CACNB2: variants seen among roughly 807,000 people sequenced by gnomAD.
CACNB2 encodes the protein calcium voltage-gated channel auxiliary subunit beta 2.
CACNB2 carries 42 observed loss-of-function variants against 73.3 expected under a neutral mutation model. The ratio of observed to expected loss-of-function variants is 0.57; its 90% CI spans 0.45 to 0.74. The LOEUF (loss-of-function observed/expected upper bound fraction) is 0.74, where lower values mean the gene tolerates loss of function less well. Ranked by LOEUF, CACNB2 falls within the 30% of genes least tolerant of loss-of-function variation. CACNB2 has a pLI of 0.00. For synonymous variants in CACNB2, 348 were observed against 310.3 expected (o/e 1.12, Z -1.28); for missense variants, 940 against 853.0 (o/e 1.10, Z -1.27).
Position 18,283,039 on chromosome 10 carries a change from A to T in CACNB2, c.214-118885A>T, listed in dbSNP as rs562508085. Among the ~76,000 whole-genome samples, 21 of 152,372 alleles carry T rather than the reference A, an allele frequency of 1.4e-4. No individual in the cohort carries two copies. In the South Asian group the frequency reaches 4.3e-3, roughly 32 times the overall value. Reference sequence around the variant, plus strand: ...ATCAACAGACACTTCTCAAAAGAAGACATTTATGCAGCCAACAGACACATG... The same window carrying T: ...ATCAACAGACACTTCTCAAAAGAAGTCATTTATGCAGCCAACAGACACATG... On this transcript the variant is annotated intron_variant, in intron 2 of 13. Coordinates refer to ENST00000324631, the MANE Select transcript of CACNB2 (RefSeq NM_201596.3).
chr10:18,426,930 A>G (rs990836497), intron 3 of CACNB2, among the ~76,000 whole-genome samples: 4 of 142,116 alleles, frequency 2.8e-5, no homozygotes, highest in Non-Finnish European at 4.6e-5. Flanking sequence ...TTGGTACTGA[A>G]TTTTATCAAA....
At chr10:18,464,682 A>G (rs2047780780) in intron 3 of CACNB2, among the ~76,000 whole-genome samples, 1 of 152,024 alleles carries the variant, frequency 6.6e-6, no homozygotes, top group Non-Finnish European at 1.5e-5. Context: ...ACTACCACAC[A>G]TCTCCAAGCC....
chr10:18,302,129 G>A (rs551827164), intron 2 of CACNB2, among the ~76,000 whole-genome samples: 39 of 152,216 alleles, frequency 2.6e-4, no homozygotes, highest in African/African-American at 9.1e-4. Flanking sequence ...CCCACATCAG[G>A]CCTCCCAACT....
At chr10:18,234,413 G>A (rs945401197) in intron 2 of CACNB2, among the ~76,000 whole-genome samples, 3 of 152,146 alleles carry the variant, frequency 2.0e-5, no homozygotes, top group Non-Finnish European at 4.4e-5. Context: ...AGAACTGAAA[G>A]CAGGGACCGA....
intron 2 of CACNB2, among the ~76,000 whole-genome samples, chr10:18,269,224 A>T (rs1200593449): frequency 6.6e-6 from 1 of 152,212 alleles, no homozygotes; most frequent in Non-Finnish European, 1.5e-5. Flanking sequence ...AGATATTTCC[A>T]TTAATTTGTG....
At chr10:18,524,215 TTTTTGTTTTTTTG>T (rs1175806312) in intron 9 of CACNB2, among the ~76,000 whole-genome samples, 2 of 152,058 alleles carry the variant, frequency 1.3e-5, no homozygotes, top group Admixed American at 6.5e-5. Context: ...CGGTTTTTTT[TTTTTGTTTTTTTG>T]TTTTGTTTTG....
intron 2 of CACNB2, among the ~76,000 whole-genome samples, chr10:18,225,336 G>T (rs2035947687): frequency 6.6e-6 from 1 of 151,992 alleles, no homozygotes; most frequent in Non-Finnish European, 1.5e-5. Context: ...CCTACTTGAT[G>T]CAAACTTTTC....
At chr10:18,205,954 C>T (rs1011131950) in intron 2 of CACNB2, among the ~76,000 whole-genome samples, 1 of 152,096 alleles carries the variant, frequency 6.6e-6, no homozygotes, top group Non-Finnish European at 1.5e-5. Flanking sequence ...CTACGGTTTT[C>T]AGTCTCCCCA....
At chr10:18,319,646 G>C (rs1380519553) in intron 2 of CACNB2, among the ~76,000 whole-genome samples, 1 of 151,848 alleles carries the variant, frequency 6.6e-6, no homozygotes, top group African/African-American at 2.4e-5. Flanking sequence ...AAATAAAAAG[G>C]CACAACAAAG....
chr10:18,402,024 C>G lies in CACNB2; in HGVS notation c.314C>G (p.Ala105Gly), dbSNP rs375218580. ...VRREAERQAQ[A>G]QLEKAKTKPV... ...AGAGAAGCGGAGCGGCAGGCCCAGG[C>G]ACAGTTGGAAAAAGCAAAGGTAAAA... is the stretch of plus-strand genomic sequence containing the variant. The change falls in exon 3 of 14, where the codon GCA becomes GGA. Residue 105 changes from alanine to glycine, a missense_variant. Ala to Gly is a moderately conservative substitution (Grantham distance 60). Coordinates refer to ENST00000324631, the MANE Select transcript of CACNB2 (RefSeq NM_201596.3). 22 of 1,613,846 alleles carry G rather than the reference C, an allele frequency of 1.4e-5. No individual in the cohort carries two copies. Among genetic ancestry groups the G allele is most frequent in the Middle Eastern group, 1.6e-4 (1 of 6,082 alleles).
chr10:18,294,983 C>T (rs570072656), intron 2 of CACNB2, among the ~76,000 whole-genome samples: 40 of 152,322 alleles, frequency 2.6e-4, no homozygotes, highest in Admixed American at 5.2e-4. Flanking sequence ...GCACTGCAGA[C>T]GCCCATCTCA....
chr10:18,238,550 A>G (rs1004156091), intron 2 of CACNB2: 4 of 152,254 alleles, frequency 2.6e-5, no homozygotes, highest in African/African-American at 4.8e-5. Flanking sequence ...TCAATCCAAC[A>G]TAAGGGACTA....
At chr10:18,151,077 GTACT>G in intron 2 of CACNB2, 102 bp downstream of exon 2, 1 of 797,196 alleles carries the variant, frequency 1.3e-6, no homozygotes, top group Non-Finnish European at 2.2e-6. Flanking sequence ...TAGTATGATT[GTACT>G]TACTTTTAAT....
intron 3 of CACNB2, among the ~76,000 whole-genome samples, chr10:18,490,261 G>A (rs141823582): frequency 2.4e-4 from 37 of 152,184 alleles, no homozygotes; most frequent in East Asian, 1.4e-3. Flanking sequence ...GGATCTGTTC[G>A]GCTTTAGTCC....
chr10:18,150,625 T>C (rs1266189092), intron 1 of CACNB2, among the ~76,000 whole-genome samples: 2 of 152,102 alleles, frequency 1.3e-5, no homozygotes, highest in Admixed American at 6.6e-5. Context: ...ATGGTGCCAT[T>C]GCACTCCAGC....
chr10:18,534,114 G>A lies in CACNB2; in HGVS notation c.1093G>A (p.Ala365Thr), dbSNP rs371232673. The A allele has an allele frequency of 2.7e-5, 44 of 1,613,886 alleles. No individual in the cohort carries two copies. The highest frequency in any genetic ancestry group is 3.6e-5 in the Non-Finnish European group (43 of 1,179,940). Residue 365 changes from alanine to threonine, a missense_variant, in exon 11 of 14, where the codon GCA (alanine) becomes ACA (threonine). Transcript: ENST00000324631. ...TGAAATCGAAAGGATTTTTGAACTT[G>A]CAAGAACATTGCAGTTGGTGGTCCT... ...QSEIERIFEL[A>T]RTLQLVVLDA...
rs59492615 is a variant in CACNB2, at chr10:18,499,617, G to GAAA, written c.456+1160_456+1162dup. Among the ~76,000 whole-genome samples, 62 of 99,652 alleles carry GAAA rather than the reference G, an allele frequency of 6.2e-4. 4 individuals carry two copies. Among genetic ancestry groups the GAAA allele is most frequent in the Admixed American group, 1.3e-3 (11 of 8,738 alleles). 65.4% of individuals were successfully genotyped at this position (99,652 alleles called of 152,430 possible). A position where few individuals can be genotyped will look rare whatever the true frequency, so the allele number is the denominator to read the frequency against. ...CGACAGAGTGAGATTCTGTCTCAAA[G>GAAA]AAAAAAAAAAAAAAAAAAAAAAGAA... On this transcript the variant is annotated intron_variant, in intron 4 of 13. Transcript: ENST00000324631.
chr10:18,226,647 A>C (rs1437745906), intron 2 of CACNB2, among the ~76,000 whole-genome samples: 1 of 152,202 alleles, frequency 6.6e-6, no homozygotes, highest in Non-Finnish European at 1.5e-5. Flanking sequence ...CTAATGAATT[A>C]ACTCAATCAA....
chr10:18,240,067 A>G (rs2036590120), intron 2 of CACNB2, among the ~76,000 whole-genome samples: 1 of 152,196 alleles, frequency 6.6e-6, no homozygotes. Context: ...AATCTTCAGT[A>G]TGGCAACTTA....
Sources: gnomAD v4.1 joint callset for allele counts (sites outside exome capture counted in the v4.1 genomes callset) on GRCh38, gnomAD v4.1.1 for gene constraint, MANE v1.5 for transcripts, NCBI Gene and HGNC (gene_info 2026-07-23, HGNC 2026-07-21) for gene names.